The following TET1 variants were observed in gnomAD, a reference collection of about 807,000 sequenced individuals.
The protein encoded by TET1 is methylcytosine dioxygenase TET1.
Under a neutral mutation model 148.7 loss-of-function variants are expected in TET1, and 13 were observed. That is an observed-to-expected ratio of 0.09 (90% CI 0.06 to 0.14). The LOEUF is 0.14. TET1 is among the 10% of genes least tolerant of loss of function. The probability of loss-of-function intolerance (pLI) is 1.00; values close to 1 mark genes in which losing one functional copy is unlikely to be tolerated. For missense variants in TET1, 2,182 were observed against 2,553.8 expected (o/e 0.85, Z 3.14); for synonymous variants, 907 against 937.2 (o/e 0.97, Z 0.59).
chr10:68,586,630 G>C (rs1008814347), intron 2 of TET1, among the ~76,000 whole-genome samples: 1 of 149,658 alleles, frequency 6.7e-6, no homozygotes, highest in Admixed American at 6.7e-5. Flanking sequence ...ACTGTGCCCA[G>C]CCTCACATCA....
At chr10:68,611,920 A>AGG (rs1250300070) in intron 3 of TET1, among the ~76,000 whole-genome samples, 2 of 150,194 alleles carry the variant, frequency 1.3e-5, no homozygotes, top group African/African-American at 2.4e-5. Flanking sequence ...GAAGAAAGGA[A>AGG]GGGAGGGAGG....
chr10:68,628,494 C>T (rs944746194), intron 3 of TET1, among the ~76,000 whole-genome samples: 1 of 152,172 alleles, frequency 6.6e-6, no homozygotes, highest in African/African-American at 2.4e-5. Flanking sequence ...GCCTGGGGGA[C>T]AAGCACCAAG....
chr10:68,564,448 C>A (rs1160015287), intron 1 of TET1, among the ~76,000 whole-genome samples: 1 of 150,592 alleles, frequency 6.6e-6, no homozygotes, highest in Non-Finnish European at 1.5e-5. Flanking sequence ...CACGCCTGGC[C>A]AAAAATTATT....
At chr10:68,660,984 T>G (rs2055101260) in intron 6 of TET1, among the ~76,000 whole-genome samples, 1 of 151,730 alleles carries the variant, frequency 6.6e-6, no homozygotes, top group Non-Finnish European at 1.5e-5. Flanking sequence ...TAAAATTTTT[T>G]TTAATTGTGT....
chr10:68,644,782 T>C lies in TET1; in HGVS notation c.2053T>C (p.Leu685=). Residue 685 remains leucine, a synonymous_variant, in exon 4 of 12, where the codon TTG becomes CTG. Transcript: ENST00000373644. The part of the protein sequence containing the change: ...SRCGHGEEQK[L]ELNPHTVENV... ...ATGTGGTCATGGGGAAGAACAAAAATTGGAATTGAACCCACATACTGTTGA... is the reference window on the plus strand; with the variant it reads ...ATGTGGTCATGGGGAAGAACAAAAACTGGAATTGAACCCACATACTGTTGA... 1 of 1,613,530 alleles carries C rather than the reference T, an allele frequency of 6.2e-7. No homozygotes were observed. The highest frequency in any genetic ancestry group is 1.3e-5 in the African/African-American group (1 of 74,970).
At chr10:68,608,029 A>G (rs2054150538) in intron 3 of TET1, among the ~76,000 whole-genome samples, 1 of 151,626 alleles carries the variant, frequency 6.6e-6, no homozygotes, top group South Asian at 2.1e-4. Flanking sequence ...CCCGGGTTCA[A>G]GCAGTTCTCC....
At chr10:68,576,646 C>A (rs2053734719) in intron 2 of TET1, among the ~76,000 whole-genome samples, 1 of 152,110 alleles carries the variant, frequency 6.6e-6, no homozygotes, top group South Asian at 2.1e-4. Context: ...TGGTTGACAG[C>A]AATGAGACCC....
chr10:68,568,210 G>A (rs946633558), intron 1 of TET1, among the ~76,000 whole-genome samples: 12 of 143,296 alleles, frequency 8.4e-5, no homozygotes, highest in East Asian at 4.1e-4. Flanking sequence ...GAGCCACCGC[G>A]CCCAGTCTTT....
intron 3 of TET1, among the ~76,000 whole-genome samples, chr10:68,615,798 C>T (rs981101228): frequency 1.3e-5 from 2 of 152,060 alleles, no homozygotes; most frequent in African/African-American, 2.4e-5. Flanking sequence ...TGTGCCACTA[C>T]GCCTACGCCC....
intron 3 of TET1, among the ~76,000 whole-genome samples, chr10:68,625,134 G>T (rs1438217811): frequency 1.3e-5 from 2 of 152,052 alleles, no homozygotes; most frequent in Non-Finnish European, 2.9e-5. Context: ...CCAACACTTG[G>T]ATTTTACTCA....
At chr10:68,659,460 A>G (rs2055073731) in intron 6 of TET1, among the ~76,000 whole-genome samples, 2 of 152,070 alleles carry the variant, frequency 1.3e-5, no homozygotes, top group Admixed American at 1.3e-4. Context: ...CTGGGATTAC[A>G]GGCGTGTGCC....
chr10:68,629,726 C>T (rs967702459), intron 3 of TET1, among the ~76,000 whole-genome samples: 8 of 151,982 alleles, frequency 5.3e-5, no homozygotes, highest in African/African-American at 1.2e-4. Flanking sequence ...TTAGTAGAGA[C>T]GGAGTTTCAC....
intron 3 of TET1, among the ~76,000 whole-genome samples, chr10:68,601,608 T>C (rs1209197241): frequency 6.6e-6 from 1 of 152,238 alleles, no homozygotes; most frequent in African/African-American, 2.4e-5. Flanking sequence ...TTCTATAGTT[T>C]GCCTGATGAG....
chr10:68,642,698 G>A (rs2054776564), intron 3 of TET1, among the ~76,000 whole-genome samples: 1 of 151,956 alleles, frequency 6.6e-6, no homozygotes, highest in Non-Finnish European at 1.5e-5. Flanking sequence ...TCTGCCTCCC[G>A]GGTTCAAGCG....
At chr10:68,606,270 G>A (rs2054122918) in intron 3 of TET1, among the ~76,000 whole-genome samples, 3 of 152,152 alleles carry the variant, frequency 2.0e-5, no homozygotes, top group Admixed American at 6.6e-5. Context: ...GGGAGGCTGA[G>A]GCAGGAGAAT....
chr10:68,576,970 G>A (rs1157912990), intron 2 of TET1, among the ~76,000 whole-genome samples: 1 of 151,316 alleles, frequency 6.6e-6, no homozygotes, highest in Non-Finnish European at 1.5e-5. Context: ...GTGCAGTGGC[G>A]CGATCTCGGC....
At chr10:68,679,521 G>A (rs913808949) in intron 8 of TET1, among the ~76,000 whole-genome samples, 8 of 152,090 alleles carry the variant, frequency 5.3e-5, no homozygotes, top group East Asian at 1.9e-4. Context: ...AGTAAAACAC[G>A]GTTACCCAGC....
chr10:68,568,782 T>G (rs1489981384), intron 1 of TET1, among the ~76,000 whole-genome samples: 1 of 152,018 alleles, frequency 6.6e-6, no homozygotes, highest in Non-Finnish European at 1.5e-5. Context: ...ACCCAGGAGG[T>G]TGAGGCTGTA....
intron 3 of TET1, among the ~76,000 whole-genome samples, chr10:68,610,009 C>G (rs546115545): frequency 1.3e-5 from 2 of 152,010 alleles, no homozygotes; most frequent in East Asian, 3.9e-4. Context: ...TAAGGCAGGG[C>G]ACGGTGGCTC....
Sources: allele counts gnomAD v4.1 joint callset (sites outside exome capture counted in the v4.1 genomes callset), GRCh38; gene constraint gnomAD v4.1.1; transcripts MANE v1.5; gene names NCBI Gene and HGNC (gene_info 2026-07-23, HGNC 2026-07-21).